Variants in SLC30A7 observed in about 807,000 individuals in gnomAD.
SLC30A7 encodes zinc transporter 7.
SLC30A7 carries 35 observed loss-of-function variants against 46.0 expected under a neutral mutation model. The observed-to-expected ratio is 0.76, with a 90% CI of 0.58 to 1.01. The LOEUF (loss-of-function observed/expected upper bound fraction) is 1.01. Among genes scored for constraint, SLC30A7 ranks in the 50% least tolerant of loss-of-function variants. The pLI is 0.00. For missense variants in SLC30A7, 464 were observed against 451.1 expected, an observed-to-expected ratio of 1.03 and a Z score of -0.26; for synonymous variants, 147 against 157.8, an observed-to-expected ratio of 0.93 and a Z score of 0.51.
rs753776704 is a variant in SLC30A7 at position 100,974,851 on chromosome 1, C to T, written c.1125C>T (p.Ala375=). ...TCTACGTACAGATTGACTTTGCAGCCATGTAGTGAATGGAAAGAAATTATG... is the reference window on the plus strand; with the variant it reads ...TCTACGTACAGATTGACTTTGCAGCTATGTAGTGAATGGAAAGAAATTATG... ...RQLYVQIDFA[A]M Residue 375 remains alanine, a synonymous_variant, in exon 11 of 11, where the codon GCC becomes GCT. Transcript: ENST00000357650. The T allele has an allele frequency of 3.8e-6, 6 of 1,598,070 alleles. No homozygotes were observed. The Admixed American group carries it at 5.0e-5, about 13-fold the overall frequency.
chr1:100,908,823 C>T (rs74103703), intron 3 of SLC30A7, among the ~76,000 whole-genome samples: 1,773 of 152,120 alleles, frequency 0.012, 32 homozygotes, highest in African/African-American at 0.041. Flanking sequence ...TACAATCTTT[C>T]TGAATAAACA....
At chr1:100,993,559 A>AATAAATATATATATATAT in the SLC30A7 span, among the ~76,000 whole-genome samples, 1 of 56,546 alleles carries the variant, frequency 1.8e-5, no homozygotes, top group African/African-American at 6.3e-5. Flanking sequence ...CGAAAATATA[A>AATAAATATATATATATAT]ATATATATAT....
At chr1:100,985,188 A>G (rs1489895119), downstream of SLC30A7, among the ~76,000 whole-genome samples, 3 of 152,252 alleles carry the variant, frequency 2.0e-5, no homozygotes, top group Admixed American at 6.5e-5. Context: ...GTTGGACAGT[A>G]AGAAATGTCT....
At chr1:100,941,009 G>T in intron 8 of SLC30A7, 1 of 352,458 alleles carries the variant, frequency 2.8e-6, no homozygotes. Context: ...TTATTTCCTA[G>T]CAGTAATTAA....
At chr1:100,967,255 C>T (rs923816992) in intron 10 of SLC30A7, among the ~76,000 whole-genome samples, 3 of 152,170 alleles carry the variant, frequency 2.0e-5, no homozygotes, top group Admixed American at 2.0e-4. Context: ...TTGTGGAAGA[C>T]AGTTTTTCCG....
intron 7 of SLC30A7, 77 bp from the exon 8 acceptor site, chr1:100,921,624 ATTAAG>A (rs1426706674): frequency 1.5e-5 from 16 of 1,091,232 alleles, no homozygotes; most frequent in Non-Finnish European, 2.1e-5. Flanking sequence ...TATATATAAA[ATTAAG>A]AGTATAGCTC....
At chr1:100,944,005 G>A (rs932077372) in intron 8 of SLC30A7, among the ~76,000 whole-genome samples, 3 of 152,062 alleles carry the variant, frequency 2.0e-5, no homozygotes, top group Non-Finnish European at 4.4e-5. Context: ...TTACCTTTTC[G>A]GCAGAGGAAA....
At chr1:100,921,136 A>G (rs143936075) in intron 7 of SLC30A7, among the ~76,000 whole-genome samples, 2 of 152,210 alleles carry the variant, frequency 1.3e-5, no homozygotes, top group East Asian at 3.9e-4. Context: ...AAAATATTCA[A>G]ATCAGTGCCT....
chr1:100,922,199 C>T (rs1000551286), intron 8 of SLC30A7, among the ~76,000 whole-genome samples: 1 of 152,082 alleles, frequency 6.6e-6, no homozygotes, highest in Non-Finnish European at 1.5e-5. Context: ...CTCTTGACCT[C>T]AGGTGATCCA....
chr1:100,958,788 A>G (rs775209363), intron 8 of SLC30A7, among the ~76,000 whole-genome samples: 10 of 152,248 alleles, frequency 6.6e-5, no homozygotes, highest in African/African-American at 9.6e-5. Context: ...ACAAACATAA[A>G]TAAGATAATT....
chr1:100,991,427 T>C, the SLC30A7 span, among the ~76,000 whole-genome samples: 5 of 152,318 alleles, frequency 3.3e-5, no homozygotes, highest in East Asian at 9.6e-4. Flanking sequence ...TAGAACATCC[T>C]TGCAGACTAT....
chr1:100,896,221 T>G lies in SLC30A7; in HGVS notation c.-42T>G. ...CACTGCCATCACCCCACGGAGCCACTTCTAGAGGGGAGTAGACCCGGCCCT... is the reference window on the plus strand; with the variant it reads ...CACTGCCATCACCCCACGGAGCCACGTCTAGAGGGGAGTAGACCCGGCCCT... On this transcript the variant is annotated 5_prime_UTR_variant, in exon 1 of 11. Transcript: ENST00000357650. 2 of 1,592,478 alleles carry G rather than the reference T, an allele frequency of 1.3e-6. No individual in the cohort carries two copies. Among genetic ancestry groups the G allele is most frequent in the Non-Finnish European group, 1.7e-6 (2 of 1,160,414 alleles).
At chr1:100,968,950 A>G (rs1656007621) in intron 10 of SLC30A7, among the ~76,000 whole-genome samples, 1 of 152,236 alleles carries the variant, frequency 6.6e-6, no homozygotes, top group Non-Finnish European at 1.5e-5. Flanking sequence ...TTTTTTAACC[A>G]CAAGCTCAAA....
intron 10 of SLC30A7, among the ~76,000 whole-genome samples, chr1:100,971,315 T>C (rs1204252554): frequency 6.6e-6 from 1 of 152,130 alleles, no homozygotes; most frequent in Non-Finnish European, 1.5e-5. Context: ...CCTTTTTTTT[T>C]CTCTAAGCTT....
intron 8 of SLC30A7, among the ~76,000 whole-genome samples, chr1:100,944,612 C>G (rs1455472801): frequency 6.7e-6 from 1 of 149,906 alleles, no homozygotes; most frequent in African/African-American, 2.5e-5. Flanking sequence ...CCCATCAACT[C>G]CTCATTTACA....
At chr1:100,944,223 A>G (rs1654500459) in intron 8 of SLC30A7, among the ~76,000 whole-genome samples, 1 of 152,072 alleles carries the variant, frequency 6.6e-6, no homozygotes, top group South Asian at 2.1e-4. Flanking sequence ...TAATTTTTGT[A>G]GAGATGGGGT....
chr1:100,968,043 TAAA>T (rs558237358), intron 10 of SLC30A7, among the ~76,000 whole-genome samples: 1 of 151,862 alleles, frequency 6.6e-6, no homozygotes, highest in Non-Finnish European at 1.5e-5. Context: ...TTGGCAAAAA[TAAA>T]AAAAATTACA....
chr1:100,983,513 C>T (rs1251112372), downstream of SLC30A7, among the ~76,000 whole-genome samples: 2 of 151,836 alleles, frequency 1.3e-5, no homozygotes, highest in African/African-American at 4.8e-5. Context: ...TAGTCTGGCA[C>T]AGTGTAGGCA....
Position 100,977,558 on chromosome 1 carries a change from C to A in SLC30A7, c.*2701C>A, listed in dbSNP as rs1409928108. The A allele has an allele frequency of 6.6e-6, 1 of 152,040 alleles. No individual in the cohort carries two copies. The highest frequency in any genetic ancestry group is 1.5e-5 in the Non-Finnish European group (1 of 67,994). The allele number at this position is 152,040 out of a possible 1,614,324, so 9.4% of individuals were successfully genotyped here. ...AGATTATTGTTATAAAATTAATTTA[C>A]AATGTCCCTGATATTGAGCTAACTC... is the stretch of plus-strand genomic sequence containing the variant. On this transcript the variant is annotated 3_prime_UTR_variant, in exon 11 of 11. Transcript: ENST00000357650.
Sources: gnomAD v4.1 joint callset for allele counts (sites outside exome capture counted in the v4.1 genomes callset) on GRCh38, gnomAD v4.1.1 for gene constraint, MANE v1.5 for transcripts, NCBI Gene and HGNC (gene_info 2026-07-23, HGNC 2026-07-21) for gene names.